The following SERPINB2 variants were observed in gnomAD, a reference collection of about 807,000 sequenced individuals.
The protein encoded by SERPINB2 is serpin family B member 2.
A neutral mutation model predicts 39.4 loss-of-function variants in SERPINB2; 28 were observed. The observed-to-expected ratio is 0.71, with a 90% confidence interval of 0.53 to 0.97. The LOEUF is 0.97. Ranked by LOEUF, SERPINB2 falls within the 50% of genes least tolerant of loss-of-function variation. SERPINB2 has a pLI of 0.00. For missense variants in SERPINB2, 557 were observed against 505.3 expected (o/e 1.10, Z -0.98); for synonymous variants, 209 against 175.1 (o/e 1.19, Z -1.53).
At chr18:63,896,263 C>T (rs2049958783) in intron 3 of SERPINB2, among the ~76,000 whole-genome samples, 1 of 152,178 alleles carries the variant, frequency 6.6e-6, no homozygotes, top group Non-Finnish European at 1.5e-5. Context: ...AGGGCTCTGT[C>T]CCCTGCCCTA....
At position 63,897,816 on chromosome 18, in the gene SERPINB2, T is replaced by C. The variant is rs769183693; in HGVS notation, c.507T>C (p.Ile169=). Residue 169 remains isoleucine (I), a synonymous_variant, in exon 5 of 8, where the codon ATT becomes ATC. Coordinates refer to ENST00000299502, the MANE Select transcript of SERPINB2 (RefSeq NM_002575.3). ...GTGCAGAAGAAGCTAGAAAAAAGAT[T>C]AATTCCTGGGTCAAGACTCAAACCA... ...LECAEEARKK[I]NSWVKTQTKG... 1.2e-6 allele frequency: 2 copies of C among 1,611,124 alleles called. No individual in the cohort carries two copies. Among genetic ancestry groups the C allele is most frequent in the Non-Finnish European group, 1.7e-6 (2 of 1,177,640 alleles).
Position 63,901,848 on chromosome 18 carries a change from A to T in SERPINB2, c.644A>T (p.Lys215Ile). 1 of 1,603,696 alleles carries T rather than the reference A, an allele frequency of 6.2e-7. No homozygotes were observed. The highest frequency in any genetic ancestry group is 8.5e-7 in the Non-Finnish European group (1 of 1,177,094). ...AAGTGGAAAACTCCATTTGAGAAGA[A>T]ACTAAATGGGCTTTATCCTTTCCGT... is the stretch of plus-strand genomic sequence containing the variant. ...KGKWKTPFEK[K>I]LNGLYPFRVN... is the part of the protein sequence containing the mutation. Residue 215 changes from lysine to isoleucine, a missense_variant, in exon 6 of 8, where the codon AAA becomes ATA. Transcript: ENST00000299502.
At chr18:63,890,672 T>G (rs548166883) in intron 1 of SERPINB2, 1 of 152,502 alleles carries the variant, frequency 6.6e-6, no homozygotes, top group East Asian at 1.9e-4. Flanking sequence ...TGGCATTGAC[T>G]TTCTACCTGG....
intron 3 of SERPINB2, among the ~76,000 whole-genome samples, chr18:63,896,872 G>T (rs2114380): frequency 6.6e-6 from 1 of 151,676 alleles, no homozygotes; most frequent in African/African-American, 2.4e-5. Context: ...TCCATAGACA[G>T]AGCAAAATTG....
At chr18:63,894,206 A>C (rs986631869) in intron 2 of SERPINB2, among the ~76,000 whole-genome samples, 4 of 152,144 alleles carry the variant, frequency 2.6e-5, no homozygotes, top group African/African-American at 7.2e-5. Flanking sequence ...TTAAGGGTCA[A>C]TTTCCTTGGA....
intron 2 of SERPINB2, 128 bp from the exon 3 acceptor site, chr18:63,895,136 G>T: frequency 1.9e-6 from 2 of 1,055,188 alleles, no homozygotes; most frequent in Non-Finnish European, 2.8e-6. Context: ...AGTATCTATG[G>T]TTGTTCCCCA....
intron 6 of SERPINB2, 40 bp downstream of exon 6, chr18:63,901,922 A>G (rs758778884): frequency 6.4e-7 from 1 of 1,566,516 alleles, no homozygotes; most frequent in South Asian, 1.2e-5. Flanking sequence ...CATATATTTT[A>G]GGGCTTTTGA....
At position 63,891,558 on chromosome 18, in the gene SERPINB2, C is replaced by A. The variant is rs546179463; in HGVS notation, c.114C>A (p.Thr38=). 20 of 1,614,192 alleles carry A rather than the reference C, an allele frequency of 1.2e-5. No individual in the cohort carries two copies. In the South Asian group the frequency reaches 1.9e-4, roughly 15 times the overall value. Residue 38 remains threonine (T), a synonymous_variant, in exon 2 of 8, where the codon ACC becomes ACA. Coordinates refer to ENST00000299502, the MANE Select transcript of SERPINB2 (RefSeq NM_002575.3). The part of the protein sequence containing the change: ...LFLSPWSISS[T]MAMVYMGSRG... ...TCTCCCCATGGAGCATCTCGTCCAC[C>A]ATGGCCATGGTCTACATGGGCTCCA...
At position 63,901,914 on chromosome 18, in the gene SERPINB2, T is replaced by C. The variant is rs998396733; in HGVS notation, c.678+32T>C. The C allele has an allele frequency of 1.1e-5, 17 of 1,577,878 alleles. No homozygotes were observed. In the Admixed American group the frequency reaches 1.2e-4, roughly 11 times the overall value. ...GACAACAAAATACATCTTCCTAGCA[T>C]ATATTTTAGGGCTTTTGACAAGATA... On this transcript the variant is annotated intron_variant, in intron 6 of 7. Transcript: ENST00000299502.
At chr18:63,898,087 G>C (rs1466953999) in intron 5 of SERPINB2, among the ~76,000 whole-genome samples, 2 of 152,162 alleles carry the variant, frequency 1.3e-5, no homozygotes, top group Non-Finnish European at 2.9e-5. Flanking sequence ...TATTGCTTGA[G>C]GATAGAATAT....
Position 63,891,422 on chromosome 18 carries a change from C to G in SERPINB2, c.-9-14C>G, listed in dbSNP as rs6095. 418,499 of 1,611,838 alleles carry G rather than the reference C, an allele frequency of 0.26. 63,354 individuals are homozygous for G. The highest frequency in any genetic ancestry group is 0.65 in the African/African-American group (48,756 of 74,798). ...GTTTCAGAGCTGTTTTTTTCTTCCT[C>G]TCTTTGCTTCTAGATTGAAACAATG... On this transcript the variant is annotated splice_polypyrimidine_tract_variant and intron_variant, in intron 1 of 7. Transcript: ENST00000299502.
At chr18:63,894,137 C>T (rs1200767394) in intron 2 of SERPINB2, among the ~76,000 whole-genome samples, 1 of 152,100 alleles carries the variant, frequency 6.6e-6, no homozygotes, top group African/African-American at 2.4e-5. Context: ...GGGACATCTC[C>T]CTGAGTGACT....
intron 2 of SERPINB2, 51 bp from the exon 3 acceptor site, chr18:63,895,213 T>G: frequency 2.5e-6 from 4 of 1,601,870 alleles, no homozygotes; most frequent in Non-Finnish European, 3.4e-6. Flanking sequence ...GTTTTAAAAG[T>G]TCAGTAAATC....
At chr18:63,895,039 A>G (rs1346512849) in intron 2 of SERPINB2, among the ~76,000 whole-genome samples, 1 of 152,226 alleles carries the variant, frequency 6.6e-6, no homozygotes, top group Non-Finnish European at 1.5e-5. Context: ...TGGCCAGGAT[A>G]TAAATTAATC....
At chr18:63,892,408 C>T (rs1017864277) in intron 2 of SERPINB2, among the ~76,000 whole-genome samples, 29 of 152,196 alleles carry the variant, frequency 1.9e-4, no homozygotes, top group Non-Finnish European at 3.1e-4. Flanking sequence ...ACACTGCAAT[C>T]GTTACTGTAA....
intron 3 of SERPINB2, among the ~76,000 whole-genome samples, chr18:63,895,709 G>A (rs1042712456): frequency 1.3e-5 from 2 of 152,200 alleles, no homozygotes; most frequent in Admixed American, 6.5e-5. Context: ...GTATGGATAA[G>A]GATTTCCAGA....
At chr18:63,895,702 T>C (rs776231693) in intron 3 of SERPINB2, among the ~76,000 whole-genome samples, 5 of 152,192 alleles carry the variant, frequency 3.3e-5, no homozygotes, top group Non-Finnish European at 7.3e-5. Flanking sequence ...TACACGTGTA[T>C]GGATAAGGAT....
intron 2 of SERPINB2, 36 bp downstream of exon 2, chr18:63,891,648 T>A: frequency 6.3e-7 from 1 of 1,593,016 alleles, no homozygotes; most frequent in South Asian, 1.1e-5. Context: ...TTGGGCCGAG[T>A]AGTTCCTGAA....
chr18:63,890,591 G>A (rs2049919502), intron 1 of SERPINB2: 1 of 152,254 alleles, frequency 6.6e-6, no homozygotes, highest in African/African-American at 2.4e-5. Flanking sequence ...GAAGGTCTCA[G>A]ATGGTTCATA....
Sources: allele counts gnomAD v4.1 joint callset (sites outside exome capture counted in the v4.1 genomes callset), GRCh38; gene constraint gnomAD v4.1.1; transcripts MANE v1.5; gene names NCBI Gene and HGNC (gene_info 2026-07-23, HGNC 2026-07-21).